The following OSBPL10 variants were observed in gnomAD, a reference collection of about 807,000 sequenced individuals.
The protein encoded by OSBPL10 is oxysterol-binding protein-related protein 10.
Under a neutral mutation model 81.7 loss-of-function variants are expected in OSBPL10, and 49 were observed. The observed-to-expected ratio is 0.60, with a 90% CI of 0.48 to 0.76. The LOEUF (loss-of-function observed/expected upper bound fraction) is 0.76, where lower values mean the gene tolerates loss of function less well. Ranked by LOEUF, OSBPL10 falls within the 30% of genes least tolerant of loss-of-function variation. The pLI is 0.00. For missense variants in OSBPL10, 923 were observed against 987.8 expected (o/e 0.93, Z 0.88); for synonymous variants, 419 against 383.6 (o/e 1.09, Z -1.08).
intron 2 of OSBPL10, chr3:31,989,342 C>T (rs1553647202): frequency 1.2e-5 from 19 of 1,614,002 alleles, no homozygotes; most frequent in East Asian, 2.2e-5. Context: ...GACACAGGGA[C>T]ATTAGAAAGA....
chr3:32,075,888 T>C lies in OSBPL10; in HGVS notation n.185+1508A>G, dbSNP rs1004152591. On this transcript the variant is annotated intron_variant and non_coding_transcript_variant, in intron 1 of 3. Coordinates refer to the OSBPL10 transcript ENST00000479173. ...ACAAAAGAAATGAAAATAGCCTTAA[T>C]TGATGACATTCCACCATTGAGATTT... 5.3e-5 allele frequency among the ~76,000 whole-genome samples: 8 copies of C among 152,234 alleles called. No individual in the cohort carries two copies. The East Asian group carries it at 5.8e-4, about 11-fold the overall frequency.
chr3:31,886,720 T>A (rs1695747328), intron 1 of OSBPL10, among the ~76,000 whole-genome samples: 1 of 152,140 alleles, frequency 6.6e-6, no homozygotes, highest in African/African-American at 2.4e-5. Context: ...GGCGGGCGGA[T>A]CACGAGGTCA....
At chr3:31,772,402 G>A (rs912169625) in intron 4 of OSBPL10, among the ~76,000 whole-genome samples, 1 of 152,202 alleles carries the variant, frequency 6.6e-6, no homozygotes, top group Non-Finnish European at 1.5e-5. Flanking sequence ...AACCATTGGG[G>A]AAATGTATGT....
intron 1 of OSBPL10, among the ~76,000 whole-genome samples, chr3:31,966,166 T>TGG (rs1402754679): frequency 1.1e-4 from 10 of 89,458 alleles, no homozygotes; most frequent in Non-Finnish European, 1.8e-4. Context: ...TGTGTGTGTG[T>TGG]GTGTGTGTGT....
intron 1 of OSBPL10, among the ~76,000 whole-genome samples, chr3:31,978,323 G>A (rs1698740293): frequency 6.6e-6 from 1 of 152,194 alleles, no homozygotes; most frequent in African/African-American, 2.4e-5. Context: ...TTTGTACTAA[G>A]GCATTTCCCT....
Position 31,683,784 on chromosome 3 carries a change from G to A in OSBPL10, c.1576C>T (p.Leu526=), listed in dbSNP as rs1347506801. Residue 526 remains leucine (L), a synonymous_variant, in exon 8 of 12, where the codon CTA becomes TTA. Transcript: ENST00000396556. ...GACACTTGCTCAGCCACAAACCTTAGTTTGTAGCTTTTGGAAGGGTCATCG... is the reference window on the plus strand; with the variant it reads ...GACACTTGCTCAGCCACAAACCTTAATTTGTAGCTTTTGGAAGGGTCATCG... ...MADDPSKSYK[L]RFVAEQVSHH... The A allele has an allele frequency of 2.5e-6, 4 of 1,614,096 alleles. No individual in the cohort carries two copies. In the African/African-American group the frequency reaches 4.0e-5, roughly 16 times the overall value.
intron 1 of OSBPL10, among the ~76,000 whole-genome samples, chr3:32,071,379 A>AAATCCTT (rs1699827262): frequency 6.6e-6 from 1 of 152,106 alleles, no homozygotes; most frequent in African/African-American, 2.4e-5. Context: ...CATAAATCCT[A>AAATCCTT]AATCCTTTCC....
At chr3:31,847,932 A>AG (rs1366256584) in intron 3 of OSBPL10, among the ~76,000 whole-genome samples, 1 of 152,114 alleles carries the variant, frequency 6.6e-6, no homozygotes, top group Non-Finnish European at 1.5e-5. Flanking sequence ...ACGAGGAGCC[A>AG]GGGGGATGCA....
chr3:31,837,510 A>G (rs1388557212), intron 3 of OSBPL10, among the ~76,000 whole-genome samples: 1 of 151,424 alleles, frequency 6.6e-6, no homozygotes, highest in Non-Finnish European at 1.5e-5. Context: ...ATCATATTTA[A>G]GTCATATTTA....
intron 1 of OSBPL10, among the ~76,000 whole-genome samples, chr3:32,072,068 C>T (rs1014695091): frequency 6.6e-6 from 1 of 152,158 alleles, no homozygotes; most frequent in Non-Finnish European, 1.5e-5. Context: ...AACTCATTGC[C>T]TTCACTCAAG....
chr3:31,891,451 T>A (rs75574667), intron 1 of OSBPL10, among the ~76,000 whole-genome samples: 5,760 of 152,266 alleles, frequency 0.038, 378 homozygotes, highest in African/African-American at 0.13. Flanking sequence ...AAGACTTGAT[T>A]TCCACATTTG....
At chr3:31,896,006 C>G (rs1248650756) in intron 1 of OSBPL10, among the ~76,000 whole-genome samples, 2 of 152,182 alleles carry the variant, frequency 1.3e-5, no homozygotes, top group African/African-American at 4.8e-5. Context: ...CACCTATACA[C>G]ACACACAGTA....
At chr3:31,812,680 C>A (rs530629228) in intron 4 of OSBPL10, among the ~76,000 whole-genome samples, 2 of 144,782 alleles carry the variant, frequency 1.4e-5, no homozygotes, top group South Asian at 4.4e-4. Context: ...GATGTTTATT[C>A]CAGAGGTATG....
chr3:31,783,667 T>G (rs1323700393), intron 4 of OSBPL10, among the ~76,000 whole-genome samples: 1 of 149,626 alleles, frequency 6.7e-6, no homozygotes, highest in Admixed American at 6.7e-5. Context: ...GACAGGCACC[T>G]GTAATCCCAG....
At chr3:31,982,886 C>T (rs754267553), upstream of OSBPL10, among the ~76,000 whole-genome samples, 4 of 152,196 alleles carry the variant, frequency 2.6e-5, no homozygotes, top group Non-Finnish European at 4.4e-5. Context: ...TTAGGCTTGG[C>T]CATGGAATTG....
chr3:31,909,494 G>C (rs997273727), intron 1 of OSBPL10, among the ~76,000 whole-genome samples: 2 of 149,136 alleles, frequency 1.3e-5, no homozygotes, highest in Admixed American at 1.3e-4. Flanking sequence ...TGCTGGTAGG[G>C]CTCAACGTTT....
chr3:31,702,605 C>T (rs1695934646), intron 6 of OSBPL10, 97 bp from the exon 7 acceptor site: 2 of 1,505,220 alleles, frequency 1.3e-6, no homozygotes, highest in Admixed American at 3.7e-5. Context: ...AGAAGAAACC[C>T]AATCCTGTCC....
chr3:31,989,167 G>C, intron 2 of OSBPL10: 1 of 1,614,166 alleles, frequency 6.2e-7, no homozygotes, highest in Non-Finnish European at 8.5e-7. Context: ...TAGGGATGTG[G>C]CTATAGAATT....
intron 6 of OSBPL10, 88 bp downstream of exon 6, chr3:31,733,169 G>A: frequency 6.5e-7 from 1 of 1,536,340 alleles, no homozygotes; most frequent in South Asian, 1.2e-5. Context: ...TTAAAACAAA[G>A]AGATGAGCAA....
Sources: gnomAD v4.1 joint callset for allele counts (sites outside exome capture counted in the v4.1 genomes callset) on GRCh38, gnomAD v4.1.1 for gene constraint, MANE v1.5 for transcripts, NCBI Gene and HGNC (gene_info 2026-07-23, HGNC 2026-07-21) for gene names.